SLC22A6: variants seen among roughly 807,000 people sequenced by gnomAD.
SLC22A6 encodes PAH transporter.
SLC22A6 carries 45 observed loss-of-function variants against 56.7 expected under a neutral mutation model. The ratio of observed to expected loss-of-function variants is 0.79; its 90% CI spans 0.63 to 1.02. The LOEUF (loss-of-function observed/expected upper bound fraction) is 1.02. Ranked by LOEUF, SLC22A6 falls within the 50% of genes least tolerant of loss-of-function variation. SLC22A6 has a pLI of 0.00. For missense variants in SLC22A6, 606 were observed against 713.8 expected (o/e 0.85, Z 1.72); for synonymous variants, 291 against 295.9 (o/e 0.98, Z 0.17).
At chr11:62,979,652 T>A (rs775195497) in intron 7 of SLC22A6, 56 bp from the exon 8 acceptor site, 240 of 1,585,508 alleles carry the variant, frequency 1.5e-4, no homozygotes, top group Non-Finnish European at 1.9e-4. Flanking sequence ...TAGGAGGAAT[T>A]GGCCCCCTCC....
chr11:62,981,409 T>C (rs747627195), intron 4 of SLC22A6, 26 bp from the exon 5 acceptor site: 27 of 930,588 alleles, frequency 2.9e-5, no homozygotes, highest in Non-Finnish European at 3.7e-5. Context: ...GGGGTGGGTG[T>C]CAGCATGGCT....
In SLC22A6 at chr11:62,977,237, C is replaced by T; in HGVS notation, c.1512G>A (p.Leu504=). The change falls in exon 9 of 10, where the codon CTG becomes CTA. Residue 504 remains leucine (L), a synonymous_variant. Coordinates refer to ENST00000360421, the MANE Select transcript of SLC22A6 (RefSeq NM_153276.3). The part of the protein sequence containing the change: ...PVAASAVTVL[L]PETLGQPLPD... ...GCAGTGGCTGGCCCAGGGTCTCTGG[C>T]AGGAGGACAGTGACAGCGCTGGCGG... 2 of 1,614,188 alleles carry T rather than the reference C, an allele frequency of 1.2e-6. No individual in the cohort carries two copies. Among genetic ancestry groups the T allele is most frequent in the Non-Finnish European group, 1.7e-6 (2 of 1,180,048 alleles).
Position 62,976,735 on chromosome 11 carries a change from G to T in SLC22A6, c.*59C>A. ...CCTCTTCCTCCTCCTTGTGTGGGTGGCCGGAGACCTGTAGGACCTTCCCTC... is the reference window on the plus strand; with the variant it reads ...CCTCTTCCTCCTCCTTGTGTGGGTGTCCGGAGACCTGTAGGACCTTCCCTC... On this transcript the variant is annotated 3_prime_UTR_variant, in exon 10 of 10. Transcript: ENST00000360421. The T allele has an allele frequency of 7.1e-7, 1 of 1,406,516 alleles. No individual in the cohort carries two copies. The highest frequency in any genetic ancestry group is 9.8e-7 in the Non-Finnish European group (1 of 1,017,860). The allele number at this position is 1,406,516 out of a possible 1,614,324, so 87.1% of individuals were successfully genotyped here.
At chr11:62,980,065 T>G (rs905292077) in intron 6 of SLC22A6, 117 bp from the exon 7 acceptor site, 1 of 689,568 alleles carries the variant, frequency 1.5e-6, no homozygotes, top group Non-Finnish European at 2.6e-6. Context: ...GAATCTGCCT[T>G]GGCTAATATT....
At chr11:62,978,309 GTTTATTTTAT>G (rs57569773) in intron 8 of SLC22A6, among the ~76,000 whole-genome samples, 9,175 of 133,238 alleles carry the variant, frequency 0.069, 453 homozygotes, top group East Asian at 0.14. Flanking sequence ...TCCCATTCTT[GTTTATTTTAT>G]TTTATTTTAT....
Position 62,983,940 on chromosome 11 carries a change from T to A in SLC22A6, c.473+4A>T. The A allele has an allele frequency of 6.3e-7, 1 of 1,593,196 alleles. No individual in the cohort carries two copies. Among genetic ancestry groups the A allele is most frequent in the Non-Finnish European group, 8.6e-7 (1 of 1,162,296 alleles). On this transcript the variant is annotated splice_donor_region_variant and intron_variant, in intron 2 of 9. Transcript: ENST00000360421. The surrounding 1 kb of genome is among the most constrained non-coding windows in gnomAD (Gnocchi z 4.5). ...CCAGCCCCTTGACCCTACCCAGGAC[T>A]GACCTGTCTGCAAGGTAGCCGAACA... is the stretch of plus-strand genomic sequence containing the variant.
Position 62,977,259 on chromosome 11 carries a change from G to T in SLC22A6, c.1490C>A (p.Ala497Asp). 1.2e-6 allele frequency: 2 copies of T among 1,614,184 alleles called. No individual in the cohort carries two copies. The highest frequency in any genetic ancestry group is 1.7e-6 in the Non-Finnish European group (2 of 1,180,052). Reference protein sequence around the residue: ...LFIYGAVPVAASAVTVLLPET... With the variant: ...LFIYGAVPVADSAVTVLLPET... ...TGGCAGGAGGACAGTGACAGCGCTG[G>T]CGGCCACAGGAACAGCACCGTAGAT... Residue 497 changes from alanine (A) to aspartate (D), a missense_variant, in exon 9 of 10, where the codon GCC becomes GAC. Coordinates refer to ENST00000360421, the MANE Select transcript of SLC22A6 (RefSeq NM_153276.3).
At position 62,976,661 on chromosome 11, in the gene SLC22A6, T is replaced by G; in HGVS notation, c.*133A>C. ...GGGTTTATAAAGGGAGGTGGACCCC[T>G]GGGAAGATGCTTTCCTGAACCACAA... On this transcript the variant is annotated 3_prime_UTR_variant, in exon 10 of 10. Transcript: ENST00000360421. 2.9e-6 allele frequency: 2 copies of G among 682,510 alleles called. No individual in the cohort carries two copies. Among genetic ancestry groups the G allele is most frequent in the Non-Finnish European group, 5.0e-6 (2 of 401,566 alleles). The allele number at this position is 682,510 out of a possible 1,614,324, so 42.3% of individuals were successfully genotyped here.
At chr11:62,979,466 C>G (rs754396369) in intron 8 of SLC22A6, 22 bp downstream of exon 8, 2 of 1,438,180 alleles carry the variant, frequency 1.4e-6, no homozygotes, top group Admixed American at 3.3e-5. Flanking sequence ...GGCTGTCATT[C>G]TCCCATTAGG....
Position 62,983,002 on chromosome 11 carries a change from G to A in SLC22A6, c.628+535C>T, listed in dbSNP as rs746346003. Among the ~76,000 whole-genome samples the A allele has an allele frequency of 1.3e-5, 2 of 151,270 alleles. No individual in the cohort carries two copies. Among genetic ancestry groups the A allele is most frequent in the East Asian group, 3.9e-4 (2 of 5,148 alleles). ...TCCCTAATGCCTCCTGCACCTGGCCGTCTTACATGATCTGCTGGCTCTAAC... is the reference window on the plus strand; with the variant it reads ...TCCCTAATGCCTCCTGCACCTGGCCATCTTACATGATCTGCTGGCTCTAAC... On this transcript the variant is annotated intron_variant, in intron 3 of 9. Coordinates refer to ENST00000360421, the MANE Select transcript of SLC22A6 (RefSeq NM_153276.3). This position sits in a 1 kb window ranked among gnomAD's most constrained non-coding sequence, Gnocchi z 4.5.
chr11:62,977,057 C>A, intron 9 of SLC22A6, 127 bp downstream of exon 9: 1 of 1,570,270 alleles, frequency 6.4e-7, no homozygotes. Flanking sequence ...GAAGCTCAGG[C>A]AATTGGGGAC....
At position 62,979,887 on chromosome 11, in the gene SLC22A6, T is replaced by C. The variant is rs770039912; in HGVS notation, c.1099A>G (p.Ile367Val). Residue 367 changes from isoleucine to valine, a missense_variant, in exon 7 of 10, where the codon ATC (isoleucine) becomes GTC (valine). Physicochemically the swap from Ile to Val is conservative, Grantham distance 29. Coordinates refer to ENST00000360421, the MANE Select transcript of SLC22A6 (RefSeq NM_153276.3). ...CCAAAGATCACCTGGATTAGGTAGA[T>C]GCTGACTCCAAAGCCCTGCAGGTCC... is the stretch of plus-strand genomic sequence containing the variant. ...VMDLQGFGVSIYLIQVIFGAV... is the reference protein window; with the variant it reads ...VMDLQGFGVSVYLIQVIFGAV... 8.1e-6 allele frequency: 13 copies of C among 1,614,184 alleles called. No individual in the cohort carries two copies. In the South Asian group the frequency reaches 1.4e-4, roughly 18 times the overall value.
chr11:62,981,604 G>A (rs112898546), intron 4 of SLC22A6, among the ~76,000 whole-genome samples: 1 of 152,202 alleles, frequency 6.6e-6, no homozygotes, highest in Non-Finnish European at 1.5e-5. Context: ...TGCGGGTAGG[G>A]GGAGCAGAGC....
At position 62,984,057 on chromosome 11, in the gene SLC22A6, G is replaced by A; in HGVS notation, c.370-10C>T. Reference sequence around the variant, plus strand: ...AGCACACAAGGTCCCACTGTGGGGAGAGGAGCAAGGGTCAGGCAGAGATGA... The same window carrying A: ...AGCACACAAGGTCCCACTGTGGGGAAAGGAGCAAGGGTCAGGCAGAGATGA... On this transcript the variant is annotated splice_polypyrimidine_tract_variant and intron_variant, in intron 1 of 9. Coordinates refer to ENST00000360421, the MANE Select transcript of SLC22A6 (RefSeq NM_153276.3). 6.3e-7 allele frequency: 1 copy of A among 1,587,250 alleles called. No homozygotes were observed. Among genetic ancestry groups the A allele is most frequent in the African/African-American group, 1.3e-5 (1 of 74,448 alleles).
At chr11:62,982,839 A>G (rs545144398) in intron 3 of SLC22A6, among the ~76,000 whole-genome samples, 3 of 152,262 alleles carry the variant, frequency 2.0e-5, no homozygotes, top group Admixed American at 6.5e-5. Flanking sequence ...GCAAACATGA[A>G]AAAAAACTGG....
At position 62,979,747 on chromosome 11, in the gene SLC22A6, C is replaced by T. The variant is rs2086231507; in HGVS notation, c.1239G>A (p.Gly413=). The change falls in exon 7 of 10, where the codon GGG becomes GGA. Residue 413 remains glycine (G), a synonymous_variant. Transcript: ENST00000360421. ...GTGGGTGCTCACCCTGGGGTATCAC[C>T]CCATTGAGCAGGATGCAGATGCCTG... The part of the protein sequence containing the change: ...LLAGICILLN[G]VIPQDQSIVR... 6.2e-7 allele frequency: 1 copy of T among 1,614,010 alleles called. No individual in the cohort carries two copies. Among genetic ancestry groups the T allele is most frequent in the East Asian group, 2.2e-5 (1 of 44,892 alleles).
Position 62,977,192 on chromosome 11 carries a change from C to T in SLC22A6, c.1557G>A (p.Leu519=). The T allele has an allele frequency of 6.2e-7, 1 of 1,614,224 alleles. No homozygotes were observed. The highest frequency in any genetic ancestry group is 8.5e-7 in the Non-Finnish European group (1 of 1,180,050). The change falls in exon 9 of 10, where the codon CTG becomes CTA. Residue 519 remains leucine, a synonymous_variant. Transcript: ENST00000360421. ...GQPLPDTVQD[L]ESRKGKQTRQ... ...TCTGAGTGGGGGCCCACCTGCTCTC[C>T]AGGTCCTGCACCGTGTCTGGCAGTG... is the stretch of plus-strand genomic sequence containing the variant.
intron 6 of SLC22A6, among the ~76,000 whole-genome samples, chr11:62,980,367 T>C (rs1399327433): frequency 3.3e-5 from 5 of 152,200 alleles, no homozygotes; most frequent in Non-Finnish European, 7.3e-5. Context: ...CTTTTTAAGA[T>C]GTCAAGAGCC....
At chr11:62,980,726 G>C (rs190824053) in intron 6 of SLC22A6, among the ~76,000 whole-genome samples, 4 of 152,324 alleles carry the variant, frequency 2.6e-5, no homozygotes, top group Admixed American at 1.3e-4. Context: ...GGAGCCCACT[G>C]GTCCTGATGA....
Sources: allele counts gnomAD v4.1 joint callset (sites outside exome capture counted in the v4.1 genomes callset), GRCh38; gene constraint gnomAD v4.1.1; non-coding constraint Gnocchi (gnomAD v3.1); transcripts MANE v1.5; gene names NCBI Gene and HGNC (gene_info 2026-07-23, HGNC 2026-07-21).